CFAP100: variants seen among roughly 807,000 people sequenced by gnomAD.
The protein encoded by CFAP100 is cilia and flagella associated protein 100.
In CFAP100, 70 loss-of-function variants were observed where a neutral mutation model predicts 81.5. The observed-to-expected ratio is 0.86, with a 90% CI of 0.71 to 1.05. CFAP100 has a LOEUF of 1.05. Ranked by LOEUF, CFAP100 falls within the 50% of genes least tolerant of loss-of-function variation. CFAP100 has a pLI of 0.00. For synonymous variants in CFAP100, 341 were observed against 314.8 expected (o/e 1.08, Z -0.88); for missense variants, 811 against 776.5 (o/e 1.04, Z -0.53).
At chr3:126,431,457 T>C (rs1270522945) in intron 13 of CFAP100, among the ~76,000 whole-genome samples, 1 of 152,200 alleles carries the variant, frequency 6.6e-6, no homozygotes, top group Non-Finnish European at 1.5e-5. Flanking sequence ...CTGCCATGGC[T>C]TGGGGGAGAG....
intron 2 of CFAP100, among the ~76,000 whole-genome samples, chr3:126,401,446 ATTATG>A (rs1405473188): frequency 4.8e-5 from 4 of 84,060 alleles, no homozygotes; most frequent in Non-Finnish European, 7.8e-5. Context: ...TATATATAGT[ATTATG>A]TTACTGCAAT....
At chr3:126,412,001 T>C (rs2083165098) in intron 3 of CFAP100, among the ~76,000 whole-genome samples, 1 of 152,212 alleles carries the variant, frequency 6.6e-6, no homozygotes, top group Non-Finnish European at 1.5e-5. Flanking sequence ...CATGAGGTTG[T>C]CAGTTTGTGC....
Position 126,433,340 on chromosome 3 carries a change from C to T in CFAP100, c.1422+136C>T, listed in dbSNP as rs568466374. 2.0e-4 allele frequency: 221 copies of T among 1,089,380 alleles called. 4 individuals are homozygous for T. The South Asian group carries it at 3.0e-3, about 15-fold the overall frequency. 67.5% of individuals were successfully genotyped at this position (1,089,380 alleles called of 1,614,324 possible). On this transcript the variant is annotated intron_variant, in intron 14 of 16. Coordinates refer to ENST00000352312, the MANE Select transcript of CFAP100 (RefSeq NM_182628.3). ...GTGCCCTGCAGCTGCCCTTGCCCTG[C>T]CTCCCTCCAGGAGCCACCACATGTA... is the stretch of plus-strand genomic sequence containing the variant.
chr3:126,408,055 TTTA>T (rs2107593241), intron 3 of CFAP100, among the ~76,000 whole-genome samples: 1 of 152,310 alleles, frequency 6.6e-6, no homozygotes, highest in East Asian at 1.9e-4. Flanking sequence ...TTTCCTCTCT[TTTA>T]TTATTATGAA....
intron 7 of CFAP100, 126 bp downstream of exon 7, chr3:126,418,900 G>C (rs945114766): frequency 2.4e-6 from 3 of 1,249,274 alleles, no homozygotes; most frequent in Non-Finnish European, 3.3e-6. Flanking sequence ...CACCAGGGCC[G>C]GTCGGGAGCC....
chr3:126,414,111 C>A lies in CFAP100; in HGVS notation c.157C>A (p.Pro53Thr). The change falls in exon 4 of 17, where the codon CCT (proline) becomes ACT (threonine). Residue 53 changes from proline (P) to threonine (T), a missense_variant. Transcript: ENST00000352312. The part of the protein sequence containing the change: ...EEHGPDPSAN[P>T]FHLSGDVDFF... ...ACATGGTCCTGACCCTTCAGCGAAC[C>A]CTTTCCACTTATCTGGGGATGTGGA... The A allele has an allele frequency of 6.2e-7, 1 of 1,613,998 alleles. No homozygotes were observed. The highest frequency in any genetic ancestry group is 8.5e-7 in the Non-Finnish European group (1 of 1,179,874).
chr3:126,399,901 G>C (rs892150970), intron 2 of CFAP100, among the ~76,000 whole-genome samples: 2 of 152,130 alleles, frequency 1.3e-5, no homozygotes, highest in African/African-American at 4.8e-5. Flanking sequence ...TGGTGCCAGG[G>C]TGGGAAATAA....
chr3:126,422,729 T>C (rs891710869), intron 11 of CFAP100, among the ~76,000 whole-genome samples: 7 of 152,128 alleles, frequency 4.6e-5, no homozygotes, highest in African/African-American at 1.7e-4. Context: ...AGTCCCTCTA[T>C]TGCTGTGAGT....
chr3:126,434,600 G>T, intron 15 of CFAP100: 1 of 556,160 alleles, frequency 1.8e-6, no homozygotes, highest in Non-Finnish European at 3.2e-6. Flanking sequence ...ACAGTGACTC[G>T]ATGTGGCCAG....
intron 13 of CFAP100, among the ~76,000 whole-genome samples, chr3:126,424,027 C>T (rs900553244): frequency 2.0e-5 from 3 of 152,248 alleles, no homozygotes; most frequent in South Asian, 2.1e-4. Flanking sequence ...ACACAGGCAC[C>T]GAAAGCAGTC....
intron 13 of CFAP100, among the ~76,000 whole-genome samples, chr3:126,426,167 A>G (rs1253016629): frequency 6.6e-6 from 1 of 152,258 alleles, no homozygotes; most frequent in African/African-American, 2.4e-5. Context: ...AACAATCAAC[A>G]AAAAGCTCCT....
intron 3 of CFAP100, among the ~76,000 whole-genome samples, chr3:126,409,029 TGCTTC>T (rs2083114265): frequency 6.6e-6 from 1 of 152,194 alleles, no homozygotes; most frequent in Non-Finnish European, 1.5e-5. Context: ...GCTCAATCAG[TGCTTC>T]AGCCTCGGCC....
intron 13 of CFAP100, among the ~76,000 whole-genome samples, chr3:126,430,444 A>G (rs1933166092): frequency 6.6e-6 from 1 of 152,208 alleles, no homozygotes; most frequent in South Asian, 2.1e-4. Flanking sequence ...TATAAATTAT[A>G]TGAATATATT....
In CFAP100 at chr3:126,419,988, A is replaced by T. The variant is rs777519725; in HGVS notation, c.922A>T (p.Ile308Phe). 5.0e-6 allele frequency: 8 copies of T among 1,613,112 alleles called. No individual in the cohort carries two copies. The South Asian group carries it at 7.7e-5, about 15-fold the overall frequency. ...NSTPGDKGPG[I>F]KGKASSMWAK... ...CCCTTTGCTTCCTGCAGGACCAGGG[A>T]TCAAGGGCAAGGCGAGCTCCATGTG... Residue 308 changes from isoleucine (I) to phenylalanine (F), a missense_variant, in exon 10 of 17, where the codon ATC becomes TTC. By Grantham distance (21) the Ile-to-Phe change is conservative (BLOSUM62 0). Transcript: ENST00000352312.
chr3:126,416,391 A>C lies in CFAP100; in HGVS notation c.301A>C (p.Ser101Arg). ...YSSKVSAKHT[S>R]LRRQLQLEDK... ...CTCGAAAGTGTCGGCTAAGCACACCAGCCTGCGGCGGCAGCTGCAGCTGGA... is the reference window on the plus strand; with the variant it reads ...CTCGAAAGTGTCGGCTAAGCACACCCGCCTGCGGCGGCAGCTGCAGCTGGA... Residue 101 changes from serine (S) to arginine (R), a missense_variant, in exon 5 of 17, where the codon AGC becomes CGC. Transcript: ENST00000352312. The C allele has an allele frequency of 6.2e-7, 1 of 1,612,170 alleles. No homozygotes were observed. The highest frequency in any genetic ancestry group is 8.5e-7 in the Non-Finnish European group (1 of 1,179,514).
chr3:126,398,199 G>A (rs1337918318), intron 2 of CFAP100, among the ~76,000 whole-genome samples: 2 of 152,286 alleles, frequency 1.3e-5, no homozygotes, highest in East Asian at 3.9e-4. Flanking sequence ...CAGGGGTGGG[G>A]GCTGCAGGAA....
Position 126,434,243 on chromosome 3 carries a change from A to C in CFAP100, c.1490A>C (p.Gln497Pro). The C allele has an allele frequency of 6.2e-7, 1 of 1,614,008 alleles. No individual in the cohort carries two copies. Among genetic ancestry groups the C allele is most frequent in the Non-Finnish European group, 8.5e-7 (1 of 1,180,004 alleles). The change falls in exon 15 of 17, where the codon CAG (glutamine) becomes CCG (proline). Residue 497 changes from glutamine to proline, a missense_variant. Coordinates refer to ENST00000352312, the MANE Select transcript of CFAP100 (RefSeq NM_182628.3). Reference sequence around the variant, plus strand: ...TACCGGCACTGCACCGGCACCCAGCAGGAGGCCAACCTGGGCACCGTGCAG... The same window carrying C: ...TACCGGCACTGCACCGGCACCCAGCCGGAGGCCAACCTGGGCACCGTGCAG... Reference protein sequence around the residue: ...DVYRHCTGTQQEANLGTVQML... With the variant: ...DVYRHCTGTQPEANLGTVQML...
At chr3:126,408,847 C>T (rs948916989) in intron 3 of CFAP100, among the ~76,000 whole-genome samples, 5 of 152,184 alleles carry the variant, frequency 3.3e-5, no homozygotes, top group Non-Finnish European at 4.4e-5. Flanking sequence ...CAGGTGCAGT[C>T]GTTCGATCAC....
chr3:126,423,294 C>T (rs2083360212), intron 11 of CFAP100, 31 bp from the exon 12 acceptor site: 1 of 1,598,378 alleles, frequency 6.3e-7, no homozygotes, highest in Non-Finnish European at 8.5e-7. Flanking sequence ...CAGGCTGGTC[C>T]CAGAGTCCCG....
Sources: allele counts gnomAD v4.1 joint callset (sites outside exome capture counted in the v4.1 genomes callset), GRCh38; gene constraint gnomAD v4.1.1; transcripts MANE v1.5; gene names NCBI Gene and HGNC (gene_info 2026-07-23, HGNC 2026-07-21).